HDGFL3: variants seen among roughly 807,000 people sequenced by gnomAD.
The protein encoded by HDGFL3 is HDGF like 3, also known as hepatoma-derived growth factor-related protein 3.
A neutral mutation model predicts 27.6 loss-of-function variants in HDGFL3; 6 were observed. That is an observed-to-expected ratio of 0.22 (90% CI 0.12 to 0.43). The LOEUF (loss-of-function observed/expected upper bound fraction) is 0.43. Ranked by LOEUF, HDGFL3 falls within the 20% of genes least tolerant of loss-of-function variation. HDGFL3 has a pLI of 1.00. For missense variants in HDGFL3, 207 were observed against 250.1 expected, an observed-to-expected ratio of 0.83 and a Z score of 1.16; for synonymous variants, 88 against 88.9, an observed-to-expected ratio of 0.99 and a Z score of 0.05.
intron 1 of HDGFL3, among the ~76,000 whole-genome samples, chr15:83,177,146 T>C (rs996562485): frequency 6.6e-6 from 1 of 152,222 alleles, no homozygotes; most frequent in Non-Finnish European, 1.5e-5. Flanking sequence ...CTTGAACTCC[T>C]GACCTCAAAT....
intron 1 of HDGFL3, among the ~76,000 whole-genome samples, chr15:83,187,355 G>A (rs548871348): frequency 1.3e-5 from 2 of 148,290 alleles, no homozygotes; most frequent in Non-Finnish European, 2.9e-5. Flanking sequence ...TGTGTGTGTG[G>A]AGAACTACTC....
rs1024961076 is a variant in HDGFL3 at position 83,139,037 on chromosome 15, A to C, written c.*233T>G. On this transcript the variant is annotated 3_prime_UTR_variant, in exon 6 of 6. Coordinates refer to ENST00000299633, the MANE Select transcript of HDGFL3 (RefSeq NM_016073.4). ...TGATAATCCTTAGTGGTTAAGGGCA[A>C]CTTCATGCAACCAAATAACATGAAA... 6.2e-6 allele frequency: 2 copies of C among 325,082 alleles called. No homozygotes were observed. The highest frequency in any genetic ancestry group is 4.2e-5 in the African/African-American group (2 of 47,136). The allele number at this position is 325,082 out of a possible 1,614,324, so 20.1% of individuals were successfully genotyped here. A position where few individuals can be genotyped will look rare whatever the true frequency, so the allele number is the denominator to read the frequency against.
At chr15:83,187,448 A>G (rs2037458487) in intron 1 of HDGFL3, among the ~76,000 whole-genome samples, 1 of 152,144 alleles carries the variant, frequency 6.6e-6, no homozygotes, top group Non-Finnish European at 1.5e-5. Context: ...CTGCACCATG[A>G]AAAGTCCTTG....
At chr15:83,204,868 G>T (rs73437330) in intron 1 of HDGFL3, among the ~76,000 whole-genome samples, 6,974 of 152,252 alleles carry the variant, frequency 0.046, 436 homozygotes, top group African/African-American at 0.14. Flanking sequence ...TAGGAATTCT[G>T]AATCCTCTTG....
At chr15:83,124,850 T>C, downstream of HDGFL3, 1 of 1,323,164 alleles carries the variant, frequency 7.6e-7, no homozygotes, top group Non-Finnish European at 1.1e-6. Context: ...AACTTAGAAA[T>C]ATGTTTTTGT....
rs2151389427 is a variant in HDGFL3, at chr15:83,135,862, A to G, written c.*3408T>C. 6.6e-6 allele frequency: 1 copy of G among 152,308 alleles called. No individual in the cohort carries two copies. Among genetic ancestry groups the G allele is most frequent in the Non-Finnish European group, 1.5e-5 (1 of 68,020 alleles). 9.4% of individuals were successfully genotyped at this position (152,308 alleles called of 1,614,324 possible). On this transcript the variant is annotated 3_prime_UTR_variant, in exon 6 of 6. Coordinates refer to ENST00000299633, the MANE Select transcript of HDGFL3 (RefSeq NM_016073.4). ...AGTTGGTAACAACCTTATCTTACAA[A>G]CAACCCTTAATATTTTAAAAGCTGC...
At chr15:83,190,828 G>T (rs1468295866) in intron 1 of HDGFL3, among the ~76,000 whole-genome samples, 5 of 152,060 alleles carry the variant, frequency 3.3e-5, no homozygotes, top group African/African-American at 1.2e-4. Flanking sequence ...GTCTTGTCAG[G>T]AAATTCTTCC....
At position 83,136,865 on chromosome 15, in the gene HDGFL3, AGTTT is replaced by A. The variant is rs1206282117; in HGVS notation, c.*2401_*2404del. The A allele has an allele frequency of 2.5e-5, 10 of 404,954 alleles. No individual in the cohort carries two copies. The highest frequency in any genetic ancestry group is 4.4e-5 in the Non-Finnish European group (10 of 227,126). 25.1% of individuals were successfully genotyped at this position (404,954 alleles called of 1,614,324 possible). On this transcript the variant is annotated 3_prime_UTR_variant, in exon 6 of 6. Coordinates refer to ENST00000299633, the MANE Select transcript of HDGFL3 (RefSeq NM_016073.4). ...AGGAAAATGGAAATTCTTGAGAAAC[AGTTT>A]GTTTAAAGAAATATATTCAAAATCA...
chr15:83,137,425 T>C lies in HDGFL3; in HGVS notation c.*1845A>G, dbSNP rs1596539872. Reference sequence around the variant, plus strand: ...CACATAAAACGCTTTTAAAGAAAATTTGTGAGTTGTATATTCCAATTCAAA... The same window carrying C: ...CACATAAAACGCTTTTAAAGAAAATCTGTGAGTTGTATATTCCAATTCAAA... On this transcript the variant is annotated 3_prime_UTR_variant, in exon 6 of 6. Transcript: ENST00000299633. 6.6e-6 allele frequency: 1 copy of C among 152,160 alleles called. No homozygotes were observed. Among genetic ancestry groups the C allele is most frequent in the South Asian group, 2.1e-4 (1 of 4,832 alleles). The allele number at this position is 152,160 out of a possible 1,614,324, so 9.4% of individuals were successfully genotyped here.
At chr15:83,116,652 A>T (rs746662740) in intron 3 of HDGFL3, among the ~76,000 whole-genome samples, 1 of 152,194 alleles carries the variant, frequency 6.6e-6, no homozygotes, top group East Asian at 1.9e-4. Context: ...GCTTGCAGGG[A>T]AGGGTCCGTG....
chr15:83,206,973 G>A (rs1374689469), intron 1 of HDGFL3, among the ~76,000 whole-genome samples: 1 of 152,220 alleles, frequency 6.6e-6, no homozygotes, highest in Non-Finnish European at 1.5e-5. Context: ...GGGACCCAGG[G>A]TATCCACCAA....
intron 3 of HDGFL3, among the ~76,000 whole-genome samples, chr15:83,121,347 G>A (rs769986940): frequency 3.3e-5 from 5 of 151,866 alleles, no homozygotes; most frequent in Non-Finnish European, 7.4e-5. Flanking sequence ...TTCTCAAAGT[G>A]CTGGGATTAC....
At chr15:83,188,889 T>C (rs764772319) in intron 1 of HDGFL3, among the ~76,000 whole-genome samples, 7 of 152,210 alleles carry the variant, frequency 4.6e-5, no homozygotes, top group Non-Finnish European at 8.8e-5. Flanking sequence ...ATTTCTAAAA[T>C]GAACTCTTAA....
chr15:83,160,806 C>T (rs1239441363), intron 2 of HDGFL3, among the ~76,000 whole-genome samples: 1 of 152,160 alleles, frequency 6.6e-6, no homozygotes, highest in East Asian at 1.9e-4. Context: ...TGATCCCTCG[C>T]ATTGTGCAGC....
chr15:83,198,347 A>G (rs2037598094), intron 1 of HDGFL3, among the ~76,000 whole-genome samples: 1 of 152,208 alleles, frequency 6.6e-6, no homozygotes, highest in Non-Finnish European at 1.5e-5. Flanking sequence ...TACAACTCAC[A>G]GAGATTACTT....
chr15:83,201,935 T>C (rs2037652274), intron 1 of HDGFL3, among the ~76,000 whole-genome samples: 1 of 152,198 alleles, frequency 6.6e-6, no homozygotes. Flanking sequence ...GAACAACTGA[T>C]GTACTTCTTA....
chr15:83,159,141 T>C (rs2037066948), intron 2 of HDGFL3, among the ~76,000 whole-genome samples: 1 of 152,194 alleles, frequency 6.6e-6, no homozygotes, highest in African/African-American at 2.4e-5. Flanking sequence ...GTGCCCAGCC[T>C]ATTATTTCTA....
At chr15:83,198,178 G>C (rs1373130189) in intron 1 of HDGFL3, among the ~76,000 whole-genome samples, 1 of 151,992 alleles carries the variant, frequency 6.6e-6, no homozygotes, top group Non-Finnish European at 1.5e-5. Context: ...GGGATCAGGG[G>C]ACATATTGGC....
At chr15:83,189,976 T>G (rs2037491874) in intron 1 of HDGFL3, among the ~76,000 whole-genome samples, 1 of 152,130 alleles carries the variant, frequency 6.6e-6, no homozygotes, top group South Asian at 2.1e-4. Context: ...GAGGCCAATG[T>G]GGGATCATTG....
Sources: gnomAD v4.1 joint callset for allele counts (sites outside exome capture counted in the v4.1 genomes callset) on GRCh38, gnomAD v4.1.1 for gene constraint, MANE v1.5 for transcripts, NCBI Gene and HGNC (gene_info 2026-07-23, HGNC 2026-07-21) for gene names.